The following SCAI variants were observed in gnomAD, a reference collection of about 807,000 sequenced individuals.
SCAI encodes suppressor of cancer cell invasion.
SCAI carries 24 observed loss-of-function variants against 92.2 expected under a neutral mutation model. The observed-to-expected ratio is 0.26, with a 90% CI of 0.19 to 0.37. The LOEUF is 0.37. SCAI is among the 10% of genes least tolerant of loss of function. The probability of loss-of-function intolerance (pLI) is 1.00; values close to 1 mark genes in which losing one functional copy is unlikely to be tolerated. For missense variants in SCAI, 450 were observed against 736.2 expected (o/e 0.61, Z 4.50); for synonymous variants, 261 against 258.6 (o/e 1.01, Z -0.09).
chr9:125,095,002 C>T (rs909651898), intron 2 of SCAI, among the ~76,000 whole-genome samples: 3 of 152,136 alleles, frequency 2.0e-5, no homozygotes, highest in East Asian at 1.9e-4. Context: ...CTTTCACACA[C>T]GAAGTTGTGA....
At chr9:124,985,505 TAATC>T (rs1395362955) in intron 14 of SCAI, among the ~76,000 whole-genome samples, 3 of 152,074 alleles carry the variant, frequency 2.0e-5, no homozygotes, top group South Asian at 2.1e-4. Context: ...TAGTCAAAAA[TAATC>T]AAGCATACAG....
intron 2 of SCAI, among the ~76,000 whole-genome samples, chr9:125,090,196 C>T (rs986098462): frequency 2.6e-5 from 4 of 152,064 alleles, no homozygotes; most frequent in Admixed American, 1.3e-4. Flanking sequence ...ATGAATACTA[C>T]AAGATTTTAT....
At chr9:124,990,243 C>G (rs983070477) in intron 14 of SCAI, among the ~76,000 whole-genome samples, 7 of 152,014 alleles carry the variant, frequency 4.6e-5, no homozygotes, top group Admixed American at 3.9e-4. Context: ...AATTCTAGCA[C>G]TCTGGGAGGC....
intron 2 of SCAI, among the ~76,000 whole-genome samples, chr9:125,089,684 G>A (rs1454637057): frequency 6.6e-6 from 1 of 151,106 alleles, no homozygotes; most frequent in East Asian, 1.9e-4. Context: ...TTGGTTTGGG[G>A]TTGGGGGGGG....
intron 2 of SCAI, among the ~76,000 whole-genome samples, chr9:125,102,895 G>C (rs1187234840): frequency 6.6e-6 from 1 of 152,068 alleles, no homozygotes; most frequent in Non-Finnish European, 1.5e-5. Context: ...ACCGCGCCCA[G>C]CCCTACCCAA....
rs771922115 is a variant in SCAI, at chr9:125,091,194, C to T, written c.99-35187G>A. Among the ~76,000 whole-genome samples the T allele has an allele frequency of 1.3e-4, 20 of 152,172 alleles. No individual in the cohort carries two copies. The highest frequency in any genetic ancestry group is 2.5e-4 in the Non-Finnish European group (17 of 68,034). ...GTTCAAAAATGGTGGCAACAGCATCCGGAACCAGACTCCCCTAGGGGCATG... is the reference window on the plus strand; with the variant it reads ...GTTCAAAAATGGTGGCAACAGCATCTGGAACCAGACTCCCCTAGGGGCATG... On this transcript the variant is annotated intron_variant, in intron 2 of 17. Coordinates refer to ENST00000336505, the MANE Select transcript of SCAI (RefSeq NM_001144877.3). This position sits in a 1 kb window ranked among gnomAD's most constrained non-coding sequence, Gnocchi z 4.3.
intron 2 of SCAI, among the ~76,000 whole-genome samples, chr9:125,077,965 C>G (rs371005951): frequency 8.5e-4 from 97 of 113,486 alleles, no homozygotes; most frequent in African/African-American, 2.8e-3. Context: ...GTGATCCACA[C>G]CCCCCCCGCC....
chr9:125,106,515 C>T (rs1419032367), intron 2 of SCAI, among the ~76,000 whole-genome samples: 1 of 152,042 alleles, frequency 6.6e-6, no homozygotes, highest in Non-Finnish European at 1.5e-5. Context: ...ACTGAACCCT[C>T]ACCACTCAAA....
At chr9:124,974,581 G>A (rs1364897142) in intron 15 of SCAI, among the ~76,000 whole-genome samples, 1 of 152,146 alleles carries the variant, frequency 6.6e-6, no homozygotes, top group Non-Finnish European at 1.5e-5. Context: ...CTTTTGCAGA[G>A]GTGAGTAGCA....
chr9:124,991,170 T>C (rs749317087), intron 14 of SCAI, among the ~76,000 whole-genome samples: 6 of 151,854 alleles, frequency 4.0e-5, no homozygotes, highest in Non-Finnish European at 5.9e-5. Context: ...CTGACCAACA[T>C]GGGGAAATCC....
chr9:125,130,724 C>A (rs997919059), intron 2 of SCAI, among the ~76,000 whole-genome samples: 7 of 150,828 alleles, frequency 4.6e-5, no homozygotes, highest in Admixed American at 2.7e-4. Flanking sequence ...ACCTCATGAT[C>A]TGCCCGCCTC....
chr9:124,957,421 G>A (rs1831337797), intron 17 of SCAI, among the ~76,000 whole-genome samples: 1 of 151,602 alleles, frequency 6.6e-6, no homozygotes, highest in Non-Finnish European at 1.5e-5. Context: ...GGAGTGCAGT[G>A]GTGCAATCTC....
chr9:124,979,788 G>T (rs751698890), intron 14 of SCAI, among the ~76,000 whole-genome samples: 1 of 152,106 alleles, frequency 6.6e-6, no homozygotes, highest in Non-Finnish European at 1.5e-5. Context: ...GGTGGCTCAC[G>T]CCTGTAATCC....
At chr9:124,974,096 C>A in intron 15 of SCAI, 1 of 290,880 alleles carries the variant, frequency 3.4e-6, no homozygotes, top group Non-Finnish European at 7.0e-6. Flanking sequence ...TGTCTATCTG[C>A]CACAAGACAT....
chr9:125,048,471 T>G (rs1471405718), intron 3 of SCAI, among the ~76,000 whole-genome samples: 1 of 152,062 alleles, frequency 6.6e-6, no homozygotes, highest in African/African-American at 2.4e-5. Context: ...AACAATAAAC[T>G]TGCCATTACC....
At chr9:125,141,541 G>A (rs1445305583) in intron 2 of SCAI, among the ~76,000 whole-genome samples, 1 of 152,142 alleles carries the variant, frequency 6.6e-6, no homozygotes, top group Non-Finnish European at 1.5e-5. Context: ...ATTACTCAAG[G>A]ACTAATTCAC....
chr9:125,122,705 G>T (rs1371438839), intron 2 of SCAI, among the ~76,000 whole-genome samples: 1 of 151,402 alleles, frequency 6.6e-6, no homozygotes, highest in Non-Finnish European at 1.5e-5. Context: ...AGGAGTTCGA[G>T]ACCAGCCTGG....
intron 17 of SCAI, among the ~76,000 whole-genome samples, chr9:124,955,178 A>AG (rs1489117819): frequency 6.6e-6 from 1 of 151,834 alleles, no homozygotes; most frequent in African/African-American, 2.4e-5. Context: ...AAAAAAAAAA[A>AG]AAAAAAATTA....
chr9:125,004,409 A>C (rs1832430999), intron 9 of SCAI, among the ~76,000 whole-genome samples: 1 of 151,156 alleles, frequency 6.6e-6, no homozygotes, highest in Non-Finnish European at 1.5e-5. Flanking sequence ...GCTCACTGCA[A>C]CATCTGCCTC....
Sources: allele counts gnomAD v4.1 joint callset (sites outside exome capture counted in the v4.1 genomes callset), GRCh38; gene constraint gnomAD v4.1.1; non-coding constraint Gnocchi (gnomAD v3.1); transcripts MANE v1.5; gene names NCBI Gene and HGNC (gene_info 2026-07-23, HGNC 2026-07-21).